Variants in CSMD1 observed in about 807,000 individuals in gnomAD.
CSMD1 encodes CUB and sushi domain-containing protein 1.
In CSMD1, 213 loss-of-function variants were observed where a neutral mutation model predicts 417.5. The observed-to-expected ratio is 0.51, with a 90% confidence interval of 0.46 to 0.57. The LOEUF (loss-of-function observed/expected upper bound fraction) is 0.57, where lower values mean the gene tolerates loss of function less well. Among genes scored for constraint, CSMD1 ranks in the 20% least tolerant of loss-of-function variants. The probability of loss-of-function intolerance (pLI) is 0.00; values close to 1 mark genes in which losing one functional copy is unlikely to be tolerated. For synonymous variants in CSMD1, 2,862 were observed against 1,736.8 expected, an observed-to-expected ratio of 1.65 and a Z score of -16.11; for missense variants, 6,923 against 4,529.7, an observed-to-expected ratio of 1.53 and a Z score of -15.17.
At chr8:4,613,180 A>G (rs980118135) in intron 2 of CSMD1, among the ~76,000 whole-genome samples, 2 of 152,186 alleles carry the variant, frequency 1.3e-5, no homozygotes, top group Non-Finnish European at 2.9e-5. Flanking sequence ...ATTCTAATTC[A>G]TTTAAATAAT....
intron 1 of CSMD1, among the ~76,000 whole-genome samples, chr8:4,949,144 T>C (rs1808566141): frequency 6.6e-6 from 1 of 152,254 alleles, no homozygotes; most frequent in Non-Finnish European, 1.5e-5. Flanking sequence ...TTAAACTGCC[T>C]TTGTATTCTT....
intron 10 of CSMD1, among the ~76,000 whole-genome samples, chr8:3,496,553 T>C (rs1175947579): frequency 6.6e-6 from 1 of 152,196 alleles, no homozygotes; most frequent in Non-Finnish European, 1.5e-5. Context: ...GGTTTTGGTA[T>C]GTTGTATTTC....
chr8:3,922,797 T>A (rs1809368213), intron 5 of CSMD1, among the ~76,000 whole-genome samples: 1 of 152,172 alleles, frequency 6.6e-6, no homozygotes, highest in Non-Finnish European at 1.5e-5. Flanking sequence ...TTTAAAACTT[T>A]TTAATTGATG....
At position 3,556,392 on chromosome 8, in the gene CSMD1, A is replaced by AATATATATATATATATATATAT. The variant is rs367650533; in HGVS notation, c.1344+18531_1344+18552dup. Among the ~76,000 whole-genome samples, 323 of 120,344 alleles carry AATATATATATATATATATATAT rather than the reference A, an allele frequency of 2.7e-3. 2 individuals carry two copies. The highest frequency in any genetic ancestry group is 8.8e-3 in the African/African-American group (268 of 30,338). 79.0% of individuals were successfully genotyped at this position (120,344 alleles called of 152,430 possible). ...AAGATTTTTAAAATTTATAATAATT[A>AATATATATATATATATATATAT]ATATATATATATATATATATATTCA... On this transcript the variant is annotated intron_variant, in intron 10 of 69. Coordinates refer to ENST00000635120, the MANE Select transcript of CSMD1 (RefSeq NM_033225.6).
chr8:3,732,269 C>T (rs746638506), intron 6 of CSMD1, among the ~76,000 whole-genome samples: 1 of 152,146 alleles, frequency 6.6e-6, no homozygotes, highest in Non-Finnish European at 1.5e-5. Flanking sequence ...TACAAAGCTG[C>T]CCTCTTTAGA....
At chr8:3,459,297 C>T (rs1045815685) in intron 12 of CSMD1, among the ~76,000 whole-genome samples, 4 of 152,106 alleles carry the variant, frequency 2.6e-5, no homozygotes, top group African/African-American at 7.2e-5. Context: ...AGAGACAGGC[C>T]GGTGTGTCCC....
chr8:3,797,624 G>T (rs60083450), intron 5 of CSMD1, among the ~76,000 whole-genome samples: 1 of 151,918 alleles, frequency 6.6e-6, no homozygotes, highest in African/African-American at 2.4e-5. Flanking sequence ...TTATTGTTGG[G>T]TAGTGTTCTT....
At chr8:3,191,461 G>C (rs998984545) in intron 33 of CSMD1, among the ~76,000 whole-genome samples, 1 of 151,980 alleles carries the variant, frequency 6.6e-6, no homozygotes, top group African/African-American at 2.4e-5. Context: ...AATAAATAAA[G>C]TAAAAAATGA....
intron 3 of CSMD1, among the ~76,000 whole-genome samples, chr8:4,080,729 G>C (rs778409008): frequency 6.6e-6 from 1 of 152,156 alleles, no homozygotes; most frequent in Non-Finnish European, 1.5e-5. Flanking sequence ...CCATAGGAGA[G>C]AAAAATAATG....
chr8:3,517,926 T>C (rs983481811), intron 10 of CSMD1, among the ~76,000 whole-genome samples: 1 of 152,158 alleles, frequency 6.6e-6, no homozygotes, highest in Non-Finnish European at 1.5e-5. Context: ...CCTTCCACAG[T>C]TAATAGCTTC....
intron 1 of CSMD1, among the ~76,000 whole-genome samples, chr8:4,993,483 G>T (rs1383672313): frequency 6.6e-6 from 1 of 151,896 alleles, no homozygotes; most frequent in African/African-American, 2.4e-5. Context: ...CCAGCCTTGA[G>T]GTCGCAGCCT....
intron 1 of CSMD1, among the ~76,000 whole-genome samples, chr8:4,831,818 C>A (rs73661153): frequency 0.017 from 2,525 of 152,280 alleles, 49 homozygotes; most frequent in African/African-American, 0.045. Flanking sequence ...CTCCCACCCC[C>A]TCCCCTGACA....
chr8:3,538,519 C>T (rs144273117), intron 10 of CSMD1, among the ~76,000 whole-genome samples: 98 of 151,800 alleles, frequency 6.5e-4, no homozygotes, highest in African/African-American at 2.3e-3. Context: ...TGAGATGCCC[C>T]ACCTGCGATG....
intron 9 of CSMD1, among the ~76,000 whole-genome samples, chr8:3,579,734 A>T (rs1344189360): frequency 6.6e-6 from 1 of 152,228 alleles, no homozygotes; most frequent in African/African-American, 2.4e-5. Context: ...TTTAATTAGA[A>T]TAATCATAAC....
At chr8:4,913,017 G>A (rs560804586) in intron 1 of CSMD1, among the ~76,000 whole-genome samples, 1 of 152,094 alleles carries the variant, frequency 6.6e-6, no homozygotes, top group African/African-American at 2.4e-5. Flanking sequence ...TCGAACTCCT[G>A]ACCTCAAGTG....
At chr8:4,009,706 G>C (rs932360431) in intron 4 of CSMD1, among the ~76,000 whole-genome samples, 43 of 152,198 alleles carry the variant, frequency 2.8e-4, no homozygotes, top group African/African-American at 9.9e-4. Context: ...GGGCCACAAA[G>C]AGTTGGTGGT....
intron 5 of CSMD1, among the ~76,000 whole-genome samples, chr8:3,872,556 G>A (rs1229753935): frequency 6.6e-6 from 1 of 152,210 alleles, no homozygotes; most frequent in African/African-American, 2.4e-5. Context: ...AAGAACTGAG[G>A]TTGTCTGTTT....
chr8:3,392,262 AT>A lies in CSMD1; in HGVS notation c.2593+3931del, dbSNP rs202094556. Among the ~76,000 whole-genome samples, 37 of 152,284 alleles carry A rather than the reference AT, an allele frequency of 2.4e-4. No individual in the cohort carries two copies. The East Asian group carries it at 4.4e-3, about 18-fold the overall frequency. On this transcript the variant is annotated intron_variant, in intron 17 of 69. Coordinates refer to ENST00000635120, the MANE Select transcript of CSMD1 (RefSeq NM_033225.6). ...CTAAAACTTAAAGTATAATAAAAAA[AT>A]AAAATAAATAAAAATTGGATGACAT...
In CSMD1 at chr8:3,367,133, G is replaced by C. The variant is rs1324020120; in HGVS notation, c.3014C>G (p.Pro1005Arg). ...AAACAGGCCTGCCTTGATCGTATGAGGCAACACCGACCCGGTGAGCCTGGC... is the reference window on the plus strand; with the variant it reads ...AAACAGGCCTGCCTTGATCGTATGACGCAACACCGACCCGGTGAGCCTGGC... ...PVARLTGSVL[P>R]HTIKAGLFGN... is the part of the protein sequence containing the mutation. The change falls in exon 20 of 70, where the codon CCT (proline) becomes CGT (arginine). Residue 1005 changes from proline to arginine, a missense_variant. Coordinates refer to ENST00000635120, the MANE Select transcript of CSMD1 (RefSeq NM_033225.6). The C allele has an allele frequency of 2.5e-6, 4 of 1,613,778 alleles. No homozygotes were observed. The highest frequency in any genetic ancestry group is 2.2e-5 in the East Asian group (1 of 44,834).
Sources: allele counts gnomAD v4.1 joint callset (sites outside exome capture counted in the v4.1 genomes callset), GRCh38; gene constraint gnomAD v4.1.1; transcripts MANE v1.5; gene names NCBI Gene and HGNC (gene_info 2026-07-23, HGNC 2026-07-21).